Variants in WDPCP observed in about 807,000 individuals in gnomAD.
WDPCP encodes WD repeat-containing and planar cell polarity effector protein fritz homolog.
A neutral mutation model predicts 93.1 loss-of-function variants in WDPCP; 71 were observed. The ratio of observed to expected loss-of-function variants is 0.76; its 90% CI spans 0.63 to 0.93. The LOEUF (loss-of-function observed/expected upper bound fraction) is 0.93, where lower values mean the gene tolerates loss of function less well. Ranked by LOEUF, WDPCP falls within the 40% of genes least tolerant of loss-of-function variation. The pLI, the probability that WDPCP is intolerant of heterozygous loss-of-function variation, is 0.00. For synonymous variants in WDPCP, 315 were observed against 315.0 expected (o/e 1.00, Z 0.00); for missense variants, 844 against 887.4 (o/e 0.95, Z 0.62).
At chr2:63,484,695 T>C (rs1700462067) in intron 5 of WDPCP, 32 bp from the exon 6 acceptor site, 9 of 1,612,392 alleles carry the variant, frequency 5.6e-6, no homozygotes, top group East Asian at 2.2e-5. Context: ...GAGAGCGTAG[T>C]TGGCTGTACA....
At chr2:63,722,142 G>A (rs1285284666) in intron 2 of WDPCP, among the ~76,000 whole-genome samples, 6 of 152,076 alleles carry the variant, frequency 3.9e-5, no homozygotes, top group African/African-American at 1.4e-4. Context: ...GCCTCTGCCC[G>A]GCCGCCACCC....
intron 2 of WDPCP, among the ~76,000 whole-genome samples, chr2:63,711,882 T>A (rs1224027861): frequency 6.6e-6 from 1 of 152,254 alleles, no homozygotes; most frequent in Non-Finnish European, 1.5e-5. Context: ...ACCTTTTGGA[T>A]TGATACTGGA....
At chr2:63,624,816 C>T (rs1156232241) in intron 3 of WDPCP, among the ~76,000 whole-genome samples, 2 of 152,184 alleles carry the variant, frequency 1.3e-5, no homozygotes, top group Non-Finnish European at 2.9e-5. Flanking sequence ...GGGACGCTTC[C>T]CTAACTCATT....
At chr2:63,804,252 T>A (rs78531932) in intron 2 of WDPCP, among the ~76,000 whole-genome samples, 18 of 138,230 alleles carry the variant, frequency 1.3e-4, no homozygotes, top group Non-Finnish European at 2.8e-4. Flanking sequence ...CAGATACTCC[T>A]TTTTTTTTTT....
At chr2:63,274,404 A>G (rs1198611375) in intron 13 of WDPCP, among the ~76,000 whole-genome samples, 1 of 152,180 alleles carries the variant, frequency 6.6e-6, no homozygotes, top group African/African-American at 2.4e-5. Flanking sequence ...TAAACTACCT[A>G]ACAATGCACC....
chr2:63,438,119 T>G, intron 7 of WDPCP: 2 of 824,408 alleles, frequency 2.4e-6, no homozygotes. Context: ...AGCACAATAT[T>G]TCTACAGCTT....
At chr2:63,148,288 C>T (rs138087913) in intron 17 of WDPCP, among the ~76,000 whole-genome samples, 2 of 152,232 alleles carry the variant, frequency 1.3e-5, no homozygotes, top group African/African-American at 4.8e-5. Flanking sequence ...GATCACACCA[C>T]TGCACTCCAG....
intron 2 of WDPCP, among the ~76,000 whole-genome samples, chr2:63,719,326 G>A (rs1176935223): frequency 6.6e-5 from 10 of 152,144 alleles, no homozygotes; most frequent in African/African-American, 2.4e-4. Context: ...AGGGAATGTG[G>A]GACAGGGCAA....
At chr2:63,228,819 A>G (rs1219706926) in intron 14 of WDPCP, 1 of 151,988 alleles carries the variant, frequency 6.6e-6, no homozygotes, top group East Asian at 1.9e-4. Context: ...CATTTTCTTA[A>G]CCCAGTCTAT....
chr2:63,246,279 C>G (rs114493489), intron 14 of WDPCP, among the ~76,000 whole-genome samples: 360 of 152,264 alleles, frequency 2.4e-3, no homozygotes, highest in Non-Finnish European at 4.0e-3. Flanking sequence ...CCAGGGCCAT[C>G]TTTCCTGGTC....
chr2:63,531,493 G>A (rs938988306), intron 1 of WDPCP, among the ~76,000 whole-genome samples: 2 of 152,164 alleles, frequency 1.3e-5, no homozygotes, highest in Non-Finnish European at 2.9e-5. Flanking sequence ...GAAGCTTCCA[G>A]AGGAAGGATC....
At chr2:63,483,409 A>G (rs950070349) in intron 6 of WDPCP, among the ~76,000 whole-genome samples, 2 of 151,576 alleles carry the variant, frequency 1.3e-5, no homozygotes. Context: ...AAATTTAAGA[A>G]GTATTATAAT....
At chr2:63,765,504 G>C (rs1313383230) in intron 2 of WDPCP, among the ~76,000 whole-genome samples, 2 of 152,204 alleles carry the variant, frequency 1.3e-5, no homozygotes, top group Non-Finnish European at 2.9e-5. Flanking sequence ...AGGTTGTGGG[G>C]TATGAATTGA....
chr2:63,289,761 TCGG>T, intron 13 of WDPCP, among the ~76,000 whole-genome samples: 1 of 152,140 alleles, frequency 6.6e-6, no homozygotes, highest in South Asian at 2.1e-4. Flanking sequence ...TTTTGGTTTG[TCGG>T]CTTTTGCTTC....
intron 12 of WDPCP, among the ~76,000 whole-genome samples, chr2:63,347,600 T>A (rs975364887): frequency 1.3e-5 from 2 of 152,188 alleles, no homozygotes; most frequent in Admixed American, 1.3e-4. Context: ...TTCTTTGGTT[T>A]TCAGAATTCA....
At chr2:63,422,218 T>C (rs59619960) in intron 9 of WDPCP, among the ~76,000 whole-genome samples, 12,925 of 152,156 alleles carry the variant, frequency 0.085, 916 homozygotes, top group East Asian at 0.36. Flanking sequence ...AGGAATATAC[T>C]ATCACACCAG....
intron 2 of WDPCP, among the ~76,000 whole-genome samples, chr2:63,705,409 T>G (rs1459562540): frequency 2.6e-5 from 4 of 152,224 alleles, no homozygotes; most frequent in African/African-American, 9.6e-5. Flanking sequence ...ATTTTAGATC[T>G]TTCCTGCTTT....
intron 9 of WDPCP, among the ~76,000 whole-genome samples, chr2:63,421,904 AT>A (rs1483966132): frequency 3.3e-5 from 5 of 152,178 alleles, no homozygotes; most frequent in Admixed American, 3.3e-4. Flanking sequence ...ACAAACTAGG[AT>A]TTTTGATACA....
intron 2 of WDPCP, among the ~76,000 whole-genome samples, chr2:63,488,177 C>G (rs1700676787): frequency 6.6e-6 from 1 of 152,006 alleles, no homozygotes; most frequent in Admixed American, 6.6e-5. Flanking sequence ...TTCTTCATAT[C>G]TATGAATAAT....
Sources: allele counts gnomAD v4.1 joint callset (sites outside exome capture counted in the v4.1 genomes callset), GRCh38; gene constraint gnomAD v4.1.1; transcripts MANE v1.5; gene names NCBI Gene and HGNC (gene_info 2026-07-23, HGNC 2026-07-21).